Variants in RALGAPA1 observed in about 807,000 individuals in gnomAD.
The protein encoded by RALGAPA1 is ral GTPase-activating protein subunit alpha-1.
A neutral mutation model predicts 269.6 loss-of-function variants in RALGAPA1; 52 were observed. The observed-to-expected ratio is 0.19, with a 90% CI of 0.15 to 0.24. The LOEUF is 0.24. Ranked by LOEUF, RALGAPA1 falls within the 10% of genes least tolerant of loss-of-function variation. The probability of loss-of-function intolerance (pLI) is 1.00; values close to 1 mark genes in which losing one functional copy is unlikely to be tolerated. For missense variants in RALGAPA1, 1,917 were observed against 3,013.9 expected, an observed-to-expected ratio of 0.64 and a Z score of 8.52; for synonymous variants, 817 against 1,008.3, an observed-to-expected ratio of 0.81 and a Z score of 3.60.
At chr14:35,718,840 A>AT (rs35240996) in intron 16 of RALGAPA1, among the ~76,000 whole-genome samples, 2,739 of 140,792 alleles carry the variant, frequency 0.019, 80 homozygotes, top group African/African-American at 0.064. Context: ...AAAAAAATGG[A>AT]TTTTTTTTTT....
rs1594880094 is a variant in RALGAPA1 at position 35,627,752 on chromosome 14, G to T, written c.6195C>A (p.Phe2065Leu). 2.5e-6 allele frequency: 4 copies of T among 1,613,828 alleles called. No homozygotes were observed. In the East Asian group the frequency reaches 8.9e-5, roughly 36 times the overall value. ...CTAAGGTTGTATTATTTAACACAAA[G>T]AACTGGATATTTGGACTCTCAAAGA... The part of the protein sequence containing the change: ...PELFESPNIQ[F>L]FVLNNTTLVS... Residue 2065 changes from phenylalanine to leucine, a missense_variant, in exon 34 of 42, where the codon TTC (phenylalanine) becomes TTA (leucine). Around this residue, in one of 11 missense-constraint regions of RALGAPA1, gnomAD observed 346 missense variants for 566.1 expected, o/e 0.61. Coordinates refer to ENST00000680220, the MANE Select transcript of RALGAPA1 (RefSeq NM_001346249.2).
In RALGAPA1 at chr14:35,760,834, T is replaced by C; in HGVS notation, c.542A>G (p.Gln181Arg). Reference protein sequence around the residue: ...DNLINPPLNLQETQVTIEEIT... With the variant: ...DNLINPPLNLRETQVTIEEIT... Reference sequence around the variant, plus strand: ...TAACATCCCATGAATCTTACTTTCTTGAAGGTTGAGTGGAGGATTAATGAG... The same window carrying C: ...TAACATCCCATGAATCTTACTTTCTCGAAGGTTGAGTGGAGGATTAATGAG... The change falls in exon 6 of 42, where the codon CAA becomes CGA. Residue 181 changes from glutamine (Q) to arginine (R), a missense_variant. Around this residue, in one of 11 missense-constraint regions of RALGAPA1, gnomAD observed 462 missense variants for 725.6 expected, o/e 0.64. Coordinates refer to ENST00000680220, the MANE Select transcript of RALGAPA1 (RefSeq NM_001346249.2). 3 of 1,610,314 alleles carry C rather than the reference T, an allele frequency of 1.9e-6. No homozygotes were observed. The highest frequency in any genetic ancestry group is 3.3e-5 in the Admixed American group (2 of 59,900).
chr14:35,776,050 A>G (rs1387437321), intron 1 of RALGAPA1, among the ~76,000 whole-genome samples: 2 of 152,178 alleles, frequency 1.3e-5, no homozygotes, highest in East Asian at 1.9e-4. Context: ...CAGCTTTCCT[A>G]ACTTCTCCCC....
intron 33 of RALGAPA1, 97 bp downstream of exon 33, chr14:35,634,477 G>T: frequency 1.1e-6 from 1 of 940,866 alleles, no homozygotes; most frequent in Non-Finnish European, 1.5e-6. Flanking sequence ...TACAAAGTAA[G>T]ACATACTCTC....
chr14:35,720,999 T>C (rs1567084951), intron 16 of RALGAPA1, among the ~76,000 whole-genome samples: 2 of 152,212 alleles, frequency 1.3e-5, no homozygotes, highest in African/African-American at 4.8e-5. Flanking sequence ...GAAAAGAGAT[T>C]AGGAAAAAGC....
chr14:35,807,818 G>A (rs10150836), intron 1 of RALGAPA1: 52,889 of 152,102 alleles, frequency 0.35, 12,704 homozygotes, highest in African/African-American at 0.67. Flanking sequence ...CGCATCAGGA[G>A]GACAGCTCGA....
chr14:35,603,479 T>C (rs2059412954), intron 36 of RALGAPA1, among the ~76,000 whole-genome samples: 1 of 152,096 alleles, frequency 6.6e-6, no homozygotes, highest in Non-Finnish European at 1.5e-5. Context: ...ATATCATCCA[T>C]CAATTCCACT....
At chr14:35,607,557 G>A (rs1396514658) in intron 35 of RALGAPA1, among the ~76,000 whole-genome samples, 2 of 152,170 alleles carry the variant, frequency 1.3e-5, no homozygotes, top group Non-Finnish European at 2.9e-5. Context: ...CCAGAAGAGC[G>A]AGCTAAGACC....
At chr14:35,574,944 A>G (rs1015526749) in intron 37 of RALGAPA1, among the ~76,000 whole-genome samples, 1 of 152,068 alleles carries the variant, frequency 6.6e-6, no homozygotes, top group African/African-American at 2.4e-5. Context: ...CCTGGCCAAC[A>G]TGGTGAAACC....
At chr14:35,544,604 TG>T (rs1225372475) in intron 41 of RALGAPA1, among the ~76,000 whole-genome samples, 1 of 152,218 alleles carries the variant, frequency 6.6e-6, no homozygotes, top group Non-Finnish European at 1.5e-5. Flanking sequence ...AAAAGGTTAG[TG>T]GGTCTTATTT....
chr14:35,652,000 A>C, intron 30 of RALGAPA1, 127 bp from the exon 31 acceptor site: 2 of 585,232 alleles, frequency 3.4e-6, no homozygotes, highest in Non-Finnish European at 2.8e-6. Context: ...TAAACACATT[A>C]ACACTGTTAT....
intron 37 of RALGAPA1, among the ~76,000 whole-genome samples, chr14:35,579,181 C>T (rs2139584473): frequency 6.6e-6 from 1 of 152,114 alleles, no homozygotes; most frequent in East Asian, 1.9e-4. Flanking sequence ...GTGTACACAG[C>T]CCTTAAGATG....
Position 35,808,842 on chromosome 14 carries a change from G to A in RALGAPA1, c.-7C>T, listed in dbSNP as rs1567281707. The A allele has an allele frequency of 1.2e-6, 2 of 1,603,156 alleles. No individual in the cohort carries two copies. The highest frequency in any genetic ancestry group is 1.1e-5 in the South Asian group (1 of 89,852). On this transcript the variant is annotated 5_prime_UTR_variant, in exon 1 of 42. Coordinates refer to ENST00000680220, the MANE Select transcript of RALGAPA1 (RefSeq NM_001346249.2). ...GCGGCTTCTTGGAGAACATCCTGTCGCTGCCACTGCCACTGCCACTGCCAC... is the reference window on the plus strand; with the variant it reads ...GCGGCTTCTTGGAGAACATCCTGTCACTGCCACTGCCACTGCCACTGCCAC...
rs758674304 is a variant in RALGAPA1 at position 35,637,765 on chromosome 14, CATTTAATA to C, written c.5677-2175_5677-2168del. Among the ~76,000 whole-genome samples the C allele has an allele frequency of 8.4e-4, 127 of 152,044 alleles. 1 individual carries two copies. The highest frequency in any genetic ancestry group is 1.5e-3 in the Non-Finnish European group (100 of 68,006). On this transcript the variant is annotated intron_variant, in intron 31 of 41. Coordinates refer to ENST00000680220, the MANE Select transcript of RALGAPA1 (RefSeq NM_001346249.2). ...TTATCCAAATATGACTACCTTAAGACATTTAATAATCAAACTCTCAAAGGTCAAGGATA... is the reference window on the plus strand; with the variant it reads ...TTATCCAAATATGACTACCTTAAGACATCAAACTCTCAAAGGTCAAGGATA...
At chr14:35,592,679 C>T (rs2058709776) in intron 37 of RALGAPA1, among the ~76,000 whole-genome samples, 1 of 152,138 alleles carries the variant, frequency 6.6e-6, no homozygotes, top group Admixed American at 6.6e-5. Flanking sequence ...TTATCCCTGG[C>T]ATGCGAGGCT....
intron 16 of RALGAPA1, among the ~76,000 whole-genome samples, chr14:35,701,548 A>G (rs2067351491): frequency 6.6e-6 from 1 of 152,142 alleles, no homozygotes. Flanking sequence ...TCATCATCAC[A>G]TCATGACTTT....
In RALGAPA1 at chr14:35,593,367, T is replaced by C. The variant is rs75838832; in HGVS notation, c.7209+2267A>G. Among the ~76,000 whole-genome samples the C allele has an allele frequency of 3.2e-3, 492 of 152,228 alleles. 3 individuals carry two copies. Among genetic ancestry groups the C allele is most frequent in the African/African-American group, 0.011 (455 of 41,534 alleles). On this transcript the variant is annotated intron_variant, in intron 37 of 41. Coordinates refer to ENST00000680220, the MANE Select transcript of RALGAPA1 (RefSeq NM_001346249.2). ...CAATGAAATGGAAAGATATCTTGGATTGAAATAATTAATATTGTTAAAATG... is the reference window on the plus strand; with the variant it reads ...CAATGAAATGGAAAGATATCTTGGACTGAAATAATTAATATTGTTAAAATG...
At chr14:35,791,360 T>C (rs2076155026) in intron 1 of RALGAPA1, among the ~76,000 whole-genome samples, 1 of 152,192 alleles carries the variant, frequency 6.6e-6, no homozygotes, top group South Asian at 2.1e-4. Flanking sequence ...TCCCAGCACT[T>C]TGGGAGGCCA....
At chr14:35,580,346 T>C (rs1312133124) in intron 37 of RALGAPA1, among the ~76,000 whole-genome samples, 1 of 152,218 alleles carries the variant, frequency 6.6e-6, no homozygotes, top group Non-Finnish European at 1.5e-5. Flanking sequence ...TTTATACCAA[T>C]GCTTGCAGCA....
Sources: allele counts gnomAD v4.1 joint callset (sites outside exome capture counted in the v4.1 genomes callset), GRCh38; gene constraint gnomAD v4.1.1; regional missense constraint gnomAD v4.1.1; transcripts MANE v1.5; gene names NCBI Gene and HGNC (gene_info 2026-07-23, HGNC 2026-07-21).